Variants in DOCK1 observed in about 807,000 individuals in gnomAD.
DOCK1 encodes the protein dedicator of cytokinesis 1.
DOCK1 carries 138 observed loss-of-function variants against 262.7 expected under a neutral mutation model. The observed-to-expected ratio is 0.53, with a 90% CI of 0.46 to 0.61. The LOEUF is 0.61. Among genes scored for constraint, DOCK1 ranks in the 20% least tolerant of loss-of-function variants. DOCK1 has a pLI of 0.00. For missense variants in DOCK1, 1,908 were observed against 2,370.7 expected (o/e 0.80, Z 4.05); for synonymous variants, 866 against 867.4 (o/e 1.00, Z 0.03).
intron 23 of DOCK1, among the ~76,000 whole-genome samples, chr10:127,065,153 C>A (rs1429077455): frequency 6.6e-6 from 1 of 152,158 alleles, no homozygotes; most frequent in Non-Finnish European, 1.5e-5. Context: ...GGATTACAGG[C>A]ACCTGCCACC....
In DOCK1 at chr10:127,437,032, G is replaced by A. The variant is rs188354874; in HGVS notation, c.5061-1995G>A. Reference sequence around the variant, plus strand: ...GACTCTGCTGATAGCGTGCCCTATCGCATTGTTTAATTCGCGTCTCGATTC... The same window carrying A: ...GACTCTGCTGATAGCGTGCCCTATCACATTGTTTAATTCGCGTCTCGATTC... On this transcript the variant is annotated intron_variant, in intron 48 of 51. Coordinates refer to ENST00000623213, the MANE Select transcript of DOCK1 (RefSeq NM_001290223.2). This position sits in a 1 kb window ranked among gnomAD's most constrained non-coding sequence, Gnocchi z 4.4. 7.2e-5 allele frequency among the ~76,000 whole-genome samples: 11 copies of A among 152,180 alleles called. No individual in the cohort carries two copies. Among genetic ancestry groups the A allele is most frequent in the East Asian group, 1.9e-4 (1 of 5,182 alleles).
At chr10:126,984,183 G>A (rs990957782) in intron 4 of DOCK1, among the ~76,000 whole-genome samples, 9 of 151,986 alleles carry the variant, frequency 5.9e-5, no homozygotes, top group African/African-American at 1.9e-4. Context: ...CTGTCTCTGT[G>A]GGTGATGCTC....
intron 29 of DOCK1, among the ~76,000 whole-genome samples, chr10:127,294,265 CA>C (rs2061433570): frequency 6.6e-6 from 1 of 152,174 alleles, no homozygotes; most frequent in Non-Finnish European, 1.5e-5. Flanking sequence ...CCATTATTTG[CA>C]CTAAATGTGG....
At chr10:127,037,640 C>T (rs530733536) in intron 18 of DOCK1, 79 bp from the exon 19 acceptor site, 3 of 1,238,882 alleles carry the variant, frequency 2.4e-6, no homozygotes, top group African/African-American at 1.5e-5. Context: ...TTATAGAGAA[C>T]CTCACATAAT....
At chr10:127,053,854 G>T (rs2135750453) in intron 22 of DOCK1, among the ~76,000 whole-genome samples, 1 of 152,290 alleles carries the variant, frequency 6.6e-6, no homozygotes, top group Admixed American at 6.5e-5. Flanking sequence ...TGAGGGTGGG[G>T]TGTGGAATTT....
intron 50 of DOCK1, 31 bp downstream of exon 50, chr10:127,444,310 T>A: frequency 6.4e-7 from 1 of 1,560,534 alleles, no homozygotes. Context: ...ATACGAATCG[T>A]GCTATAGCTC....
At chr10:126,931,144 C>A (rs2034157645) in intron 1 of DOCK1, among the ~76,000 whole-genome samples, 1 of 151,986 alleles carries the variant, frequency 6.6e-6, no homozygotes, top group Non-Finnish European at 1.5e-5. Flanking sequence ...GAAATAAGAT[C>A]TGGGCAGTAT....
At chr10:127,057,357 A>G (rs2045230868) in intron 22 of DOCK1, among the ~76,000 whole-genome samples, 1 of 152,236 alleles carries the variant, frequency 6.6e-6, no homozygotes, top group Non-Finnish European at 1.5e-5. Context: ...GTTTTCCTAT[A>G]GTGCAATAGC....
At chr10:127,146,144 G>A (rs117367773) in intron 27 of DOCK1, 1 of 461,744 alleles carries the variant, frequency 2.2e-6, no homozygotes, top group Admixed American at 2.3e-5. Flanking sequence ...GAAACTGACA[G>A]CGTAGTCCCC....
intron 1 of DOCK1, among the ~76,000 whole-genome samples, chr10:126,922,938 C>G (rs914295811): frequency 4.6e-5 from 7 of 152,010 alleles, no homozygotes; most frequent in African/African-American, 1.7e-4. Context: ...TGGAGAAACC[C>G]CATCTCTACT....
At chr10:127,004,780 G>GCCCCCCCCCCCCCC (rs1477094845) in intron 10 of DOCK1, among the ~76,000 whole-genome samples, 1 of 51,262 alleles carries the variant, frequency 2.0e-5, no homozygotes, top group Non-Finnish European at 3.5e-5. Context: ...CCACCCCCCC[G>GCCCCCCCCCCCCCC]CCCCAAAAAA....
intron 29 of DOCK1, among the ~76,000 whole-genome samples, chr10:127,260,849 C>CTG: frequency 1.1e-5 from 1 of 92,486 alleles, no homozygotes. Context: ...GTGTGTGTAC[C>CTG]CGTGCTCATC....
chr10:127,280,276 C>T lies in DOCK1; in HGVS notation c.3044+22847C>T, dbSNP rs1278201921. Among the ~76,000 whole-genome samples the T allele has an allele frequency of 1.1e-4, 17 of 152,006 alleles. No individual in the cohort carries two copies. In the East Asian group the frequency reaches 1.2e-3, roughly 10 times the overall value. On this transcript the variant is annotated intron_variant, in intron 29 of 51. Coordinates refer to ENST00000623213, the MANE Select transcript of DOCK1 (RefSeq NM_001290223.2). ...GTCTCCATCTCCTGACCTCGTGATC[C>T]GCCCGCCTCGGCCTCCCAAAGTGCT...
At chr10:126,949,623 G>T (rs1443574394) in intron 1 of DOCK1, among the ~76,000 whole-genome samples, 3 of 152,126 alleles carry the variant, frequency 2.0e-5, no homozygotes, top group African/African-American at 4.8e-5. Flanking sequence ...TGTCCTTTCT[G>T]TGCTATAACT....
At chr10:127,059,781 G>A (rs969686981) in intron 22 of DOCK1, among the ~76,000 whole-genome samples, 17 of 151,986 alleles carry the variant, frequency 1.1e-4, no homozygotes, top group Admixed American at 1.0e-3. Context: ...GATTATCTGT[G>A]GGGCTGTTTC....
chr10:127,236,500 G>GTTTTTTTT (rs771387854), intron 27 of DOCK1, among the ~76,000 whole-genome samples: 33 of 66,792 alleles, frequency 4.9e-4, no homozygotes, highest in Non-Finnish European at 6.4e-4. Flanking sequence ...CTTGACACGG[G>GTTTTTTTT]TTTTTTTTTT....
intron 28 of DOCK1, among the ~76,000 whole-genome samples, chr10:127,250,634 T>C (rs554621318): frequency 1.7e-4 from 26 of 151,534 alleles, no homozygotes; most frequent in Non-Finnish European, 3.5e-4. Flanking sequence ...CCACTAAAAA[T>C]ATAAAAATTA....
chr10:127,179,585 T>G (rs1286500720), intron 27 of DOCK1, among the ~76,000 whole-genome samples: 2 of 152,158 alleles, frequency 1.3e-5, no homozygotes, highest in Non-Finnish European at 2.9e-5. Flanking sequence ...TTCTGGACAT[T>G]AAGAATTACT....
At chr10:127,196,355 A>G (rs1359460356) in intron 27 of DOCK1, among the ~76,000 whole-genome samples, 3 of 148,654 alleles carry the variant, frequency 2.0e-5, no homozygotes, top group Admixed American at 6.7e-5. Flanking sequence ...GGAGCCAGCC[A>G]CAGCCACCCG....
Sources: gnomAD v4.1 joint callset for allele counts (sites outside exome capture counted in the v4.1 genomes callset) on GRCh38, gnomAD v4.1.1 for gene constraint, Gnocchi (gnomAD v3.1) non-coding constraint, MANE v1.5 for transcripts, NCBI Gene and HGNC (gene_info 2026-07-23, HGNC 2026-07-21) for gene names.